Variants in CSGALNACT1 observed in about 807,000 individuals in gnomAD.
CSGALNACT1 encodes the protein chondroitin sulfate N-acetylgalactosaminyltransferase 1.
A neutral mutation model predicts 51.0 loss-of-function variants in CSGALNACT1; 52 were observed. That is an observed-to-expected ratio of 1.02 (90% confidence interval 0.82 to 1.29). The LOEUF (loss-of-function observed/expected upper bound fraction) is 1.29, where lower values mean the gene tolerates loss of function less well. Among genes scored for constraint, CSGALNACT1 ranks in the 50% most tolerant of loss-of-function variants. The pLI, the probability that CSGALNACT1 is intolerant of heterozygous loss-of-function variation, is 0.00. For synonymous variants in CSGALNACT1, 341 were observed against 254.4 expected, an observed-to-expected ratio of 1.34 and a Z score of -3.24; for missense variants, 935 against 679.2, an observed-to-expected ratio of 1.38 and a Z score of -4.19.
intron 6 of CSGALNACT1, among the ~76,000 whole-genome samples, chr8:19,437,774 C>A (rs1429383484): frequency 2.6e-5 from 4 of 152,244 alleles, no homozygotes; most frequent in Non-Finnish European, 4.4e-5. Context: ...AAACACCAAC[C>A]AACCTGGTCT....
chr8:19,593,179 G>A (rs1196774286), intron 2 of CSGALNACT1, among the ~76,000 whole-genome samples: 1 of 152,172 alleles, frequency 6.6e-6, no homozygotes, highest in Non-Finnish European at 1.5e-5. Flanking sequence ...GAAATACGTG[G>A]GCTTAATGAC....
At chr8:19,560,630 T>TA in intron 3 of CSGALNACT1, among the ~76,000 whole-genome samples, 1 of 152,272 alleles carries the variant, frequency 6.6e-6, no homozygotes, top group Middle Eastern at 3.4e-3. Context: ...GAATCAACCT[T>TA]ACGAGCAAAC....
At chr8:19,645,576 G>A (rs535131827) in intron 1 of CSGALNACT1, among the ~76,000 whole-genome samples, 5 of 152,234 alleles carry the variant, frequency 3.3e-5, no homozygotes, top group Admixed American at 2.0e-4. Flanking sequence ...AAGGGTGGGC[G>A]TAAGGTTGAG....
intron 8 of CSGALNACT1, among the ~76,000 whole-genome samples, chr8:19,412,556 T>G (rs2056033761): frequency 6.6e-6 from 1 of 152,186 alleles, no homozygotes; most frequent in Admixed American, 6.5e-5. Flanking sequence ...TCAGAGTCTC[T>G]CCTCAGCACT....
chr8:19,563,381 T>G (rs147903810), intron 3 of CSGALNACT1, among the ~76,000 whole-genome samples: 1 of 152,122 alleles, frequency 6.6e-6, no homozygotes, highest in African/African-American at 2.4e-5. Flanking sequence ...ATGACACACA[T>G]TGACCTATGT....
intron 1 of CSGALNACT1, among the ~76,000 whole-genome samples, chr8:19,632,288 A>T (rs1484172917): frequency 6.6e-6 from 1 of 152,256 alleles, no homozygotes; most frequent in Non-Finnish European, 1.5e-5. Flanking sequence ...TTAGATTGTT[A>T]AATGGCCCAT....
intron 1 of CSGALNACT1, among the ~76,000 whole-genome samples, chr8:19,619,053 C>G (rs1038221528): frequency 3.9e-5 from 6 of 152,002 alleles, no homozygotes; most frequent in Non-Finnish European, 8.8e-5. Flanking sequence ...AGAGAAGTCA[C>G]AGATTATTTC....
At chr8:19,723,322 G>A (rs1212110170) in intron 1 of CSGALNACT1, among the ~76,000 whole-genome samples, 2 of 152,240 alleles carry the variant, frequency 1.3e-5, no homozygotes, top group East Asian at 3.8e-4. Context: ...CGAAAGACAA[G>A]TGGGCCGTAA....
chr8:19,465,911 G>A (rs1184397652), intron 4 of CSGALNACT1, among the ~76,000 whole-genome samples: 1 of 152,132 alleles, frequency 6.6e-6, no homozygotes. Context: ...AGATAACTCA[G>A]CACATAGAAA....
chr8:19,667,646 T>C (rs2059486958), intron 1 of CSGALNACT1, among the ~76,000 whole-genome samples: 1 of 151,880 alleles, frequency 6.6e-6, no homozygotes, highest in Non-Finnish European at 1.5e-5. Flanking sequence ...AAGGAGAAGG[T>C]ACTTGAAACC....
At chr8:19,517,630 C>G (rs186424579) in intron 3 of CSGALNACT1, among the ~76,000 whole-genome samples, 1 of 152,086 alleles carries the variant, frequency 6.6e-6, no homozygotes, top group African/African-American at 2.4e-5. Flanking sequence ...GGGGAGGCCT[C>G]ACAATCATGG....
intron 8 of CSGALNACT1, among the ~76,000 whole-genome samples, chr8:19,417,847 C>A (rs565360877): frequency 2.6e-5 from 4 of 152,308 alleles, no homozygotes; most frequent in Admixed American, 6.5e-5. Context: ...ATGCTGTCAA[C>A]AATACCGGGA....
chr8:19,456,293 G>C (rs999992931), intron 5 of CSGALNACT1, among the ~76,000 whole-genome samples: 5 of 152,174 alleles, frequency 3.3e-5, no homozygotes, highest in Non-Finnish European at 7.3e-5. Context: ...TCACCGAGCA[G>C]ATACTTCTTT....
chr8:19,754,195 T>G (rs2065218767), intron 1 of CSGALNACT1, among the ~76,000 whole-genome samples: 1 of 152,080 alleles, frequency 6.6e-6, no homozygotes, highest in Admixed American at 6.6e-5. Flanking sequence ...GCCCAGCTAA[T>G]TTTTGTATTT....
At chr8:19,678,704 A>G (rs1486065912) in intron 1 of CSGALNACT1, 1 of 152,176 alleles carries the variant, frequency 6.6e-6, no homozygotes, top group Non-Finnish European at 1.5e-5. Flanking sequence ...TTTTTTTTAC[A>G]AAGCAGAAAT....
intron 1 of CSGALNACT1, among the ~76,000 whole-genome samples, chr8:19,705,448 G>A (rs527933062): frequency 1.3e-5 from 2 of 152,230 alleles, no homozygotes; most frequent in East Asian, 3.9e-4. Context: ...AAAATCCAGG[G>A]AAGGCTGGGC....
intron 3 of CSGALNACT1, among the ~76,000 whole-genome samples, chr8:19,565,835 C>T (rs1409339922): frequency 6.6e-6 from 1 of 152,176 alleles, no homozygotes. Context: ...CGCTTGAACC[C>T]AGGAGGCAGA....
chr8:19,653,836 T>A (rs1289958981), intron 1 of CSGALNACT1, among the ~76,000 whole-genome samples: 1 of 152,066 alleles, frequency 6.6e-6, no homozygotes, highest in Admixed American at 6.5e-5. Context: ...TTTCTGTACA[T>A]TTCTCTTGAG....
chr8:19,725,995 A>T (rs2063380375), intron 1 of CSGALNACT1, among the ~76,000 whole-genome samples: 1 of 152,198 alleles, frequency 6.6e-6, no homozygotes, highest in South Asian at 2.1e-4. Flanking sequence ...CCACAATTAT[A>T]GTATCATTCA....
Sources: gnomAD v4.1 joint callset for allele counts (sites outside exome capture counted in the v4.1 genomes callset) on GRCh38, gnomAD v4.1.1 for gene constraint, MANE v1.5 for transcripts, NCBI Gene and HGNC (gene_info 2026-07-23, HGNC 2026-07-21) for gene names.